Variants in MKS1 observed in about 807,000 individuals in gnomAD.
MKS1 encodes MKS transition zone complex subunit 1, also known as tectonic-like complex member MKS1.
In MKS1, 70 loss-of-function variants were observed where a neutral mutation model predicts 83.7. The ratio of observed to expected loss-of-function variants is 0.84; its 90% CI spans 0.69 to 1.02. The LOEUF is 1.02. Ranked by LOEUF, MKS1 falls within the 50% of genes least tolerant of loss-of-function variation. The pLI is 0.00. For synonymous variants in MKS1, 251 were observed against 273.4 expected, an observed-to-expected ratio of 0.92 and a Z score of 0.81; for missense variants, 681 against 726.9, an observed-to-expected ratio of 0.94 and a Z score of 0.73.
Position 58,218,781 on chromosome 17 carries a change from A to G in MKS1, c.81-52T>C, listed in dbSNP as rs749042390. ...TTACCAGACACGCAACCAGGAGATG[A>G]ACACAAAGCAAGGATGGGGGAAACA... On this transcript the variant is annotated intron_variant, in intron 1 of 17. Coordinates refer to ENST00000393119, the MANE Select transcript of MKS1 (RefSeq NM_017777.4). 10 of 1,461,904 alleles carry G rather than the reference A, an allele frequency of 6.8e-6. No homozygotes were observed. The South Asian group carries it at 1.0e-4, about 15-fold the overall frequency. The allele number at this position is 1,461,904 out of a possible 1,614,324, so 90.6% of individuals were successfully genotyped here. A position where few individuals can be genotyped will look rare whatever the true frequency, so the allele number is the denominator to read the frequency against.
intron 11 of MKS1, among the ~76,000 whole-genome samples, chr17:58,210,030 G>C (rs925827553): frequency 4.6e-5 from 7 of 152,184 alleles, no homozygotes; most frequent in Admixed American, 3.3e-4. Context: ...AGGGATCAAG[G>C]ATGTTCCCTA....
rs62083740 is a variant in MKS1, at chr17:58,218,340, C to A, written c.190+280G>T. ...GCGGGCGCCTGTAGTCCCAGCTACT[C>A]GGGAGGCTGAGGCAGGAGAATCGCG... On this transcript the variant is annotated intron_variant, in intron 2 of 17. Transcript: ENST00000393119. Among the ~76,000 whole-genome samples the A allele has an allele frequency of 0.24, 35,850 of 148,026 alleles. 4,497 individuals carry two copies. The highest frequency in any genetic ancestry group is 0.31 in the African/African-American group (12,539 of 40,336).
In MKS1 at chr17:58,208,709, G is replaced by A. The variant is rs954783637; in HGVS notation, c.1025-126C>T. On this transcript the variant is annotated intron_variant, in intron 11 of 17. Transcript: ENST00000393119. ...TATTGATCATTCTTGGGTGTTTCTC[G>A]GAGAGGGGGATGTGGCAGGGTCATA... 23 of 878,688 alleles carry A rather than the reference G, an allele frequency of 2.6e-5. 1 individual carries two copies. Among genetic ancestry groups the A allele is most frequent in the South Asian group, 6.0e-5 (4 of 66,472 alleles). The allele number at this position is 878,688 out of a possible 1,614,324, so 54.4% of individuals were successfully genotyped here. A position where few individuals can be genotyped will look rare whatever the true frequency, so the allele number is the denominator to read the frequency against.
intron 2 of MKS1, among the ~76,000 whole-genome samples, chr17:58,217,540 G>A (rs1969290059): frequency 6.6e-6 from 1 of 152,192 alleles, no homozygotes; most frequent in Admixed American, 6.5e-5. Flanking sequence ...TGAATGCAGT[G>A]ACTCACGCCT....
chr17:58,208,486 C>G (rs1211284261), intron 12 of MKS1, 27 bp downstream of exon 12: 1 of 1,611,054 alleles, frequency 6.2e-7, no homozygotes, highest in Non-Finnish European at 8.5e-7. Context: ...TCATTCCCTT[C>G]CAGATACCCG....
intron 4 of MKS1, chr17:58,215,854 C>T (rs1190691101): frequency 1.1e-5 from 6 of 537,814 alleles, no homozygotes; most frequent in Admixed American, 3.1e-5. Flanking sequence ...ATCAGAGATA[C>T]TGGCAGCTCC....
chr17:58,213,051 A>G lies in MKS1; in HGVS notation c.789T>C (p.Tyr263=), dbSNP rs1968972848. The change falls in exon 8 of 18, where the codon TAT becomes TAC. Residue 263 remains tyrosine, a synonymous_variant. Transcript: ENST00000393119. ...CGTGGGGGGAAACATTGTCGATCGT[A>G]TATTTCCACAGCTCCTGCTTCTCCC... is the stretch of plus-strand genomic sequence containing the variant. ...TEGEKQELWK[Y]TIDNVSPHAQ... 1 of 1,614,114 alleles carries G rather than the reference A, an allele frequency of 6.2e-7. No individual in the cohort carries two copies. Among genetic ancestry groups the G allele is most frequent in the African/African-American group, 1.3e-5 (1 of 75,008 alleles).
chr17:58,212,477 C>T, intron 8 of MKS1, 43 bp from the exon 9 acceptor site: 3 of 1,604,050 alleles, frequency 1.9e-6, no homozygotes, highest in South Asian at 1.1e-5. Flanking sequence ...GCAACCCAAG[C>T]TAGACCAAAG....
chr17:58,206,252 C>G, intron 17 of MKS1, 31 bp downstream of exon 17: 2 of 1,613,918 alleles, frequency 1.2e-6, no homozygotes, highest in Non-Finnish European at 1.7e-6. Flanking sequence ...CCATGCTGAC[C>G]TGGGGTGGCC....
chr17:58,211,758 G>A (rs1411394285), intron 9 of MKS1, among the ~76,000 whole-genome samples: 1 of 142,056 alleles, frequency 7.0e-6, no homozygotes, highest in Admixed American at 7.1e-5. Context: ...TAGGGATGTG[G>A]TCTCACTATG....
intron 1 of MKS1, 47 bp downstream of exon 1, chr17:58,219,104 T>C: frequency 6.5e-7 from 1 of 1,547,952 alleles, no homozygotes; most frequent in Non-Finnish European, 8.7e-7. Context: ...TGGAATGATC[T>C]AAGGACACAA....
At chr17:58,207,749 A>C (rs562322432) in intron 14 of MKS1, 145 bp downstream of exon 14, 1 of 802,810 alleles carries the variant, frequency 1.2e-6, no homozygotes, top group Non-Finnish European at 2.1e-6. Context: ...GGGGGCAGAA[A>C]GTCCTCAGAG....
Position 58,219,161 on chromosome 17 carries a change from A to C in MKS1, c.70T>G (p.Leu24Val). The part of the protein sequence containing the change: ...VYRSRDPVRN[L>V]RLRVHLQRIT... ...GGGCGGTGCGACTACCGGAGGCGCA[A>C]GTTGCGCACGGGGTCCCGGGAGCGA... is the stretch of plus-strand genomic sequence containing the variant. Residue 24 changes from leucine to valine, a missense_variant, in exon 1 of 18, where the codon TTG becomes GTG. Physicochemically the swap from Leu to Val is conservative, Grantham distance 32. Transcript: ENST00000393119. 6.4e-7 allele frequency: 1 copy of C among 1,551,274 alleles called. No homozygotes were observed. Among genetic ancestry groups the C allele is most frequent in the South Asian group, 1.2e-5 (1 of 84,062 alleles).
At chr17:58,206,253 T>A (rs1296116660) in intron 17 of MKS1, 30 bp downstream of exon 17, 2 of 1,613,540 alleles carry the variant, frequency 1.2e-6, no homozygotes, top group Non-Finnish European at 1.7e-6. Flanking sequence ...CATGCTGACC[T>A]GGGGTGGCCA....
rs1359924062 is a variant in MKS1 at position 58,212,978 on chromosome 17, T to C, written c.858+4A>G. On this transcript the variant is annotated splice_donor_region_variant and intron_variant, in intron 8 of 17. Coordinates refer to ENST00000393119, the MANE Select transcript of MKS1 (RefSeq NM_017777.4). ...TTGGATACTTGGAATGAACTTGCGC[T>C]TACATCCTTGAACACTCGCCGTTCC... The C allele has an allele frequency of 1.2e-6, 2 of 1,613,782 alleles. No homozygotes were observed. Among genetic ancestry groups the C allele is most frequent in the South Asian group, 2.2e-5 (2 of 91,070 alleles).
intron 11 of MKS1, among the ~76,000 whole-genome samples, chr17:58,210,112 G>T (rs1968784893): frequency 6.6e-6 from 1 of 152,186 alleles, no homozygotes; most frequent in Non-Finnish European, 1.5e-5. Context: ...GGGAGGAGAG[G>T]TTTGAGGGAA....
intron 9 of MKS1, 112 bp from the exon 10 acceptor site, chr17:58,211,134 G>C: frequency 9.7e-7 from 1 of 1,029,026 alleles, no homozygotes; most frequent in South Asian, 1.3e-5. Context: ...TCAGGCCCTG[G>C]GTGTCACTAC....
intron 6 of MKS1, 61 bp downstream of exon 6, chr17:58,214,198 G>A (rs1345414420): frequency 6.2e-7 from 1 of 1,610,452 alleles, no homozygotes; most frequent in African/African-American, 1.3e-5. Context: ...ACAGGAAGGG[G>A]AGAGCTGGTG....
chr17:58,207,154 C>T lies in MKS1; in HGVS notation c.1338G>A (p.Arg446=), dbSNP rs1179924577. 36 of 1,614,050 alleles carry T rather than the reference C, an allele frequency of 2.2e-5. No homozygotes were observed. The Admixed American group carries it at 5.3e-4, about 24-fold the overall frequency. ...PVELGTVAEL[R]RFFIGGSLEL... ...CCAGAGAACCGCCAATGAAAAACCT[C>T]CTCAGCTCAGCCACCGTGCCAAGCT... The change falls in exon 15 of 18, where the codon AGG becomes AGA. Residue 446 remains arginine, a synonymous_variant. Coordinates refer to ENST00000393119, the MANE Select transcript of MKS1 (RefSeq NM_017777.4).
Sources: allele counts gnomAD v4.1 joint callset (sites outside exome capture counted in the v4.1 genomes callset), GRCh38; gene constraint gnomAD v4.1.1; transcripts MANE v1.5; gene names NCBI Gene and HGNC (gene_info 2026-07-23, HGNC 2026-07-21).